Variants in STXBP3 observed in about 807,000 individuals in gnomAD.
STXBP3 encodes syntaxin-binding protein 3.
In STXBP3, 41 loss-of-function variants were observed where a neutral mutation model predicts 85.7. The ratio of observed to expected loss-of-function variants is 0.48; its 90% CI spans 0.37 to 0.62. STXBP3 has a LOEUF of 0.62. STXBP3 is among the 20% of genes least tolerant of loss of function. STXBP3 has a pLI of 0.00. For synonymous variants in STXBP3, 229 were observed against 231.7 expected, an observed-to-expected ratio of 0.99 and a Z score of 0.10; for missense variants, 563 against 703.1, an observed-to-expected ratio of 0.80 and a Z score of 2.25.
At position 108,800,425 on chromosome 1, in the gene STXBP3, TTAACTG is replaced by T; in HGVS notation, c.1535+126_1535+131del. 6.3e-6 allele frequency: 4 copies of T among 637,912 alleles called. No homozygotes were observed. In the South Asian group the frequency reaches 8.5e-5, roughly 14 times the overall value. 39.5% of individuals were successfully genotyped at this position (637,912 alleles called of 1,614,324 possible). On this transcript the variant is annotated intron_variant, in intron 17 of 18. Coordinates refer to ENST00000370008, the MANE Select transcript of STXBP3 (RefSeq NM_007269.4). Reference sequence around the variant, plus strand: ...AAGTATATAATCCTGTATTTTTTCTTTAACTGTAACTTGTTTTAAATGAATCCAGAT... The same window carrying T: ...AAGTATATAATCCTGTATTTTTTCTTTAACTTGTTTTAAATGAATCCAGAT...
chr1:108,775,409 A>G (rs1192807046), intron 7 of STXBP3, among the ~76,000 whole-genome samples: 1 of 152,094 alleles, frequency 6.6e-6, no homozygotes, highest in Admixed American at 6.6e-5. Flanking sequence ...TCAAGCATTT[A>G]TCCTTTCTTT....
rs141531957 is a variant in STXBP3, at chr1:108,766,868, A to G, written c.439-5797A>G. On this transcript the variant is annotated intron_variant, in intron 6 of 18. Coordinates refer to ENST00000370008, the MANE Select transcript of STXBP3 (RefSeq NM_007269.4). ...AGAGGGCATACTGACTTTGTGGTCT[A>G]TACTTTGTAAGAGAGCAGGTAACTC... is the stretch of plus-strand genomic sequence containing the variant. 1.2e-4 allele frequency: 59 copies of G among 479,604 alleles called. No individual in the cohort carries two copies. In the East Asian group the frequency reaches 2.7e-3, roughly 22 times the overall value. The allele number at this position is 479,604 out of a possible 1,614,324, so 29.7% of individuals were successfully genotyped here.
intron 1 of STXBP3, among the ~76,000 whole-genome samples, chr1:108,751,533 A>G (rs994761838): frequency 2.6e-5 from 4 of 151,976 alleles, no homozygotes; most frequent in African/African-American, 9.7e-5. Context: ...AGGTTACTAT[A>G]ATTTATATTT....
At chr1:108,762,769 G>A (rs6671441) in intron 6 of STXBP3, among the ~76,000 whole-genome samples, 39,014 of 152,018 alleles carry the variant, frequency 0.26, 5,404 homozygotes, top group African/African-American at 0.32. Context: ...TTCACCCGTA[G>A]TATAATGAAT....
chr1:108,767,158 C>A (rs1042870241), intron 6 of STXBP3: 1 of 288,148 alleles, frequency 3.5e-6, no homozygotes, highest in East Asian at 1.1e-4. Context: ...CAAGCCTCAT[C>A]TTCTCCCTCT....
At chr1:108,765,052 T>A (rs1390843471) in intron 6 of STXBP3, among the ~76,000 whole-genome samples, 2 of 152,220 alleles carry the variant, frequency 1.3e-5, no homozygotes, top group East Asian at 3.8e-4. Flanking sequence ...AGTTGATTTT[T>A]GTATATGGTG....
At chr1:108,748,722 C>A (rs996205224) in intron 1 of STXBP3, among the ~76,000 whole-genome samples, 1 of 151,830 alleles carries the variant, frequency 6.6e-6, no homozygotes, top group Non-Finnish European at 1.5e-5. Flanking sequence ...GTCCCAGCTA[C>A]TCGGGAGGCT....
At chr1:108,765,488 A>G (rs1030576610) in intron 6 of STXBP3, among the ~76,000 whole-genome samples, 11 of 152,294 alleles carry the variant, frequency 7.2e-5, no homozygotes, top group South Asian at 4.1e-4. Flanking sequence ...AAATATTTCC[A>G]TAAGAGGCAA....
At chr1:108,763,968 A>G (rs1570751803) in intron 6 of STXBP3, among the ~76,000 whole-genome samples, 1 of 152,184 alleles carries the variant, frequency 6.6e-6, no homozygotes, top group East Asian at 1.9e-4. Context: ...TGTTACACAG[A>G]TTATTTCATC....
rs190825307 is a variant in STXBP3 at position 108,769,575 on chromosome 1, C to G, written c.439-3090C>G. ...ATGAAGAGTAGATGGAAGACAGGAT[C>G]TGTATTTAAGGAGCTGATTATAGGT... On this transcript the variant is annotated intron_variant, in intron 6 of 18. Coordinates refer to ENST00000370008, the MANE Select transcript of STXBP3 (RefSeq NM_007269.4). 2.0e-3 allele frequency among the ~76,000 whole-genome samples: 298 copies of G among 152,144 alleles called. 1 individual carries two copies. Among genetic ancestry groups the G allele is most frequent in the Admixed American group, 3.3e-3 (51 of 15,284 alleles).
At chr1:108,791,811 A>C (rs544828876) in intron 11 of STXBP3, among the ~76,000 whole-genome samples, 1 of 152,172 alleles carries the variant, frequency 6.6e-6, no homozygotes, top group South Asian at 2.1e-4. Context: ...ATAACCCCTT[A>C]ACTCAGTCCC....
chr1:108,747,121 C>CACTCCTCCGCTCCCGTCCGCGCTCCCG (rs1306680081), intron 1 of STXBP3, among the ~76,000 whole-genome samples: 13 of 152,198 alleles, frequency 8.5e-5, no homozygotes, highest in Non-Finnish European at 1.9e-4. Flanking sequence ...CCGCGCTCCC[C>CACTCCTCCGCTCCCGTCCGCGCTCCCG]ACTCTTCTCC....
At chr1:108,762,195 A>G (rs1258361039) in intron 6 of STXBP3, among the ~76,000 whole-genome samples, 1 of 152,206 alleles carries the variant, frequency 6.6e-6, no homozygotes, top group Admixed American at 6.5e-5. Flanking sequence ...AGCAAGATAT[A>G]TGTCCTACCC....
At chr1:108,795,261 C>G (rs2101132312) in intron 13 of STXBP3, among the ~76,000 whole-genome samples, 1 of 152,292 alleles carries the variant, frequency 6.6e-6, no homozygotes, top group South Asian at 2.1e-4. Context: ...CCTTTTATAT[C>G]ATGCCTCAAC....
At chr1:108,748,982 G>A (rs1391629401) in intron 1 of STXBP3, among the ~76,000 whole-genome samples, 2 of 152,174 alleles carry the variant, frequency 1.3e-5, no homozygotes, top group Non-Finnish European at 2.9e-5. Context: ...GAATTTCGAG[G>A]TGTGTATTAA....
At chr1:108,753,954 A>G (rs1231290669) in intron 3 of STXBP3, among the ~76,000 whole-genome samples, 1 of 151,972 alleles carries the variant, frequency 6.6e-6, no homozygotes, top group East Asian at 1.9e-4. Flanking sequence ...AACTTAATGA[A>G]GTTCAAAAGT....
chr1:108,773,845 T>C lies in STXBP3; in HGVS notation c.593+1026T>C, dbSNP rs941291899. ...GCCTCAGCCAGGAATCTTTTTTTTT[T>C]CCTCTGCATTATATCGAGATGACGA... On this transcript the variant is annotated intron_variant, in intron 7 of 18. Transcript: ENST00000370008. Among the ~76,000 whole-genome samples, 2 of 152,084 alleles carry C rather than the reference T, an allele frequency of 1.3e-5. 1 individual carries two copies. Among genetic ancestry groups the C allele is most frequent in the African/African-American group, 4.8e-5 (2 of 41,408 alleles).
rs753675852 is a variant in STXBP3, at chr1:108,756,675, CT to C, written c.182-9del. ...TAAATATTTGGTTATATAAAATGAC[CT>C]TTTTTCTTGTTAGTTGTAGAGAATA... On this transcript the variant is annotated splice_polypyrimidine_tract_variant and intron_variant, in intron 3 of 18. Coordinates refer to ENST00000370008, the MANE Select transcript of STXBP3 (RefSeq NM_007269.4). 3 of 1,498,880 alleles carry C rather than the reference CT, an allele frequency of 2.0e-6. No homozygotes were observed. The highest frequency in any genetic ancestry group is 1.4e-5 in the African/African-American group (1 of 71,122). The allele number at this position is 1,498,880 out of a possible 1,614,324, so 92.8% of individuals were successfully genotyped here.
intron 16 of STXBP3, among the ~76,000 whole-genome samples, chr1:108,799,254 T>C (rs1400183653): frequency 6.6e-6 from 1 of 152,216 alleles, no homozygotes; most frequent in African/African-American, 2.4e-5. Flanking sequence ...TCTAAAGAAT[T>C]TAGACTTTGT....
Sources: allele counts gnomAD v4.1 joint callset (sites outside exome capture counted in the v4.1 genomes callset), GRCh38; gene constraint gnomAD v4.1.1; transcripts MANE v1.5; gene names NCBI Gene and HGNC (gene_info 2026-07-23, HGNC 2026-07-21).